GRIP1: variants seen among roughly 807,000 people sequenced by gnomAD.
GRIP1 encodes the protein glutamate receptor interacting protein 1.
GRIP1 carries 45 observed loss-of-function variants against 129.9 expected under a neutral mutation model. That is an observed-to-expected ratio of 0.35 (90% CI 0.27 to 0.44). The LOEUF is 0.44. Among genes scored for constraint, GRIP1 ranks in the 20% least tolerant of loss-of-function variants. The probability of loss-of-function intolerance (pLI) is 1.00; values close to 1 mark genes in which losing one functional copy is unlikely to be tolerated. For missense variants in GRIP1, 1,196 were observed against 1,396.8 expected, an observed-to-expected ratio of 0.86 and a Z score of 2.29; for synonymous variants, 530 against 520.8, an observed-to-expected ratio of 1.02 and a Z score of -0.24.
intron 1 of GRIP1, chr12:66,626,943 G>C (rs1013145779): frequency 6.6e-6 from 1 of 152,098 alleles, no homozygotes; most frequent in Non-Finnish European, 1.5e-5. Flanking sequence ...CATTTCCATG[G>C]ACATTAAGCT....
intron 7 of GRIP1, among the ~76,000 whole-genome samples, chr12:66,477,825 A>G (rs2059667702): frequency 6.6e-6 from 1 of 152,210 alleles, no homozygotes; most frequent in South Asian, 2.1e-4. Context: ...GGCTAGCCAT[A>G]GGTAGAAAGC....
At chr12:66,725,497 G>A (rs994853962) in intron 1 of GRIP1, among the ~76,000 whole-genome samples, 1 of 151,998 alleles carries the variant, frequency 6.6e-6, no homozygotes, top group Non-Finnish European at 1.5e-5. Flanking sequence ...CATAAAATAA[G>A]TAGGTATATA....
intron 5 of GRIP1, among the ~76,000 whole-genome samples, chr12:66,528,533 C>G (rs61928462): frequency 2.0e-4 from 30 of 151,924 alleles, no homozygotes; most frequent in Non-Finnish European, 2.6e-4. Flanking sequence ...CACATAGATA[C>G]CCAAGAGATT....
At chr12:66,535,374 A>T (rs914420014) in intron 4 of GRIP1, among the ~76,000 whole-genome samples, 6 of 152,122 alleles carry the variant, frequency 3.9e-5, no homozygotes, top group African/African-American at 1.4e-4. Context: ...AAAAAAAAAC[A>T]CAGTACTTTC....
chr12:66,982,893 C>A (rs1233477356), intron 1 of GRIP1, among the ~76,000 whole-genome samples: 1 of 152,132 alleles, frequency 6.6e-6, no homozygotes, highest in Non-Finnish European at 1.5e-5. Context: ...AACACAACTT[C>A]CTTTGAAGTT....
intron 19 of GRIP1, among the ~76,000 whole-genome samples, chr12:66,382,591 C>CTATA (rs2137412439): frequency 6.6e-6 from 1 of 152,238 alleles, no homozygotes; most frequent in African/African-American, 2.4e-5. Context: ...CCCATTGTTA[C>CTATA]TATATACTAA....
At chr12:66,598,595 C>T (rs1026046495) in intron 1 of GRIP1, among the ~76,000 whole-genome samples, 2 of 152,152 alleles carry the variant, frequency 1.3e-5, no homozygotes, top group South Asian at 4.1e-4. Flanking sequence ...AATATTTGAG[C>T]GCTTTTCTCA....
chr12:66,425,076 G>C (rs1422296692), intron 14 of GRIP1, among the ~76,000 whole-genome samples: 1 of 152,176 alleles, frequency 6.6e-6, no homozygotes, highest in Non-Finnish European at 1.5e-5. Flanking sequence ...CAAGGGAGAA[G>C]AGTTTATTGA....
At chr12:66,836,466 T>C (rs1402607172) in intron 1 of GRIP1, among the ~76,000 whole-genome samples, 1 of 152,176 alleles carries the variant, frequency 6.6e-6, no homozygotes, top group Non-Finnish European at 1.5e-5. Context: ...TCTTTTAAAA[T>C]AGGCCATAGC....
rs139654732 is a variant in GRIP1, at chr12:67,006,112, C to T, written c.58+62938G>A. ...AAGACAGTACCAGTTTTCTTAAGGA[C>T]CTGACACAGTAAGCGTAAATAAATA... On this transcript the variant is annotated intron_variant, in intron 1 of 1. Transcript: ENST00000643019. Among the ~76,000 whole-genome samples the T allele has an allele frequency of 7.0e-4, 106 of 152,176 alleles. 2 individuals carry two copies. The highest frequency in any genetic ancestry group is 2.7e-3 in the Admixed American group (42 of 15,276).
chr12:66,836,188 A>T (rs2039610101), intron 1 of GRIP1, among the ~76,000 whole-genome samples: 2 of 152,076 alleles, frequency 1.3e-5, no homozygotes, highest in South Asian at 4.1e-4. Context: ...CATAGACAAA[A>T]CCCACCTATG....
At chr12:66,403,316 C>T (rs1357144471) in intron 16 of GRIP1, among the ~76,000 whole-genome samples, 2 of 152,156 alleles carry the variant, frequency 1.3e-5, no homozygotes, top group Non-Finnish European at 2.9e-5. Flanking sequence ...GTTCTTATAT[C>T]ATGTCTGGTT....
intron 1 of GRIP1, among the ~76,000 whole-genome samples, chr12:66,645,111 T>G (rs2032251344): frequency 6.6e-6 from 1 of 152,202 alleles, no homozygotes; most frequent in Non-Finnish European, 1.5e-5. Context: ...TTTTTCAACT[T>G]CTACAAATAA....
chr12:66,801,853 G>A (rs781004925), intron 1 of GRIP1, among the ~76,000 whole-genome samples: 48 of 152,174 alleles, frequency 3.2e-4, no homozygotes, highest in African/African-American at 4.8e-4. Flanking sequence ...ATTCCACCAC[G>A]TTTTCAGCCT....
chr12:66,500,271 G>C (rs568851604), intron 7 of GRIP1, among the ~76,000 whole-genome samples: 12 of 152,288 alleles, frequency 7.9e-5, no homozygotes, highest in Admixed American at 1.3e-4. Context: ...GCAGAGCCAG[G>C]AAACAAATCT....
chr12:66,859,713 G>A (rs1048670863), intron 1 of GRIP1, among the ~76,000 whole-genome samples: 24 of 152,086 alleles, frequency 1.6e-4, no homozygotes, highest in African/African-American at 5.5e-4. Context: ...AAATGGTTTT[G>A]AAGAGATCAC....
intron 7 of GRIP1, among the ~76,000 whole-genome samples, chr12:66,494,026 A>T (rs1212839474): frequency 2.6e-4 from 40 of 152,222 alleles, no homozygotes; most frequent in Non-Finnish European, 1.5e-5. Flanking sequence ...CAGGAAAAGT[A>T]TGCCTCACTC....
intron 1 of GRIP1, among the ~76,000 whole-genome samples, chr12:66,698,916 C>A (rs2035256188): frequency 6.6e-6 from 1 of 152,184 alleles, no homozygotes; most frequent in Non-Finnish European, 1.5e-5. Flanking sequence ...GTGGGGAAAA[C>A]AGCAGCCTCT....
chr12:66,436,789 C>T (rs1332863477), intron 13 of GRIP1, among the ~76,000 whole-genome samples: 4 of 151,876 alleles, frequency 2.6e-5, no homozygotes, highest in African/African-American at 9.7e-5. Context: ...TTGAGACCAG[C>T]CTGGCCAACA....
Sources: allele counts gnomAD v4.1 joint callset (sites outside exome capture counted in the v4.1 genomes callset), GRCh38; gene constraint gnomAD v4.1.1; transcripts MANE v1.5; gene names NCBI Gene and HGNC (gene_info 2026-07-23, HGNC 2026-07-21).